AFG1L: variants seen among roughly 807,000 people sequenced by gnomAD.
AFG1L encodes the protein AFG1 like ATPase, also known as AFG1-like ATPase.
Under a neutral mutation model 62.2 loss-of-function variants are expected in AFG1L, and 53 were observed. That is an observed-to-expected ratio of 0.85 (90% CI 0.68 to 1.07). The LOEUF (loss-of-function observed/expected upper bound fraction) is 1.07. Among genes scored for constraint, AFG1L ranks in the 50% least tolerant of loss-of-function variants. AFG1L has a pLI of 0.00. For missense variants in AFG1L, 555 were observed against 590.5 expected (o/e 0.94, Z 0.62); for synonymous variants, 228 against 210.3 (o/e 1.08, Z -0.73).
chr6:108,319,872 C>T, intron 1 of AFG1L: 1 of 334,970 alleles, frequency 3.0e-6, no homozygotes, highest in South Asian at 2.5e-5. Context: ...TTGTGTTAAC[C>T]CTTTTCTGCA....
At chr6:108,334,162 A>G (rs1582391542) in intron 2 of AFG1L, among the ~76,000 whole-genome samples, 1 of 152,018 alleles carries the variant, frequency 6.6e-6, no homozygotes, top group African/African-American at 2.4e-5. Flanking sequence ...ATGCGCCACC[A>G]CGCCTGGCTA....
At chr6:108,501,263 G>A (rs1383890810) in intron 10 of AFG1L, among the ~76,000 whole-genome samples, 1 of 152,208 alleles carries the variant, frequency 6.6e-6, no homozygotes, top group Non-Finnish European at 1.5e-5. Flanking sequence ...AAAGTGCTGG[G>A]ATTACAGGCG....
intron 8 of AFG1L, among the ~76,000 whole-genome samples, chr6:108,452,582 G>T (rs1772099373): frequency 6.6e-6 from 1 of 152,164 alleles, no homozygotes; most frequent in Non-Finnish European, 1.5e-5. Flanking sequence ...GGCAGGCATT[G>T]GTCCTGGGAT....
At chr6:108,398,308 T>G (rs1781405803) in intron 6 of AFG1L, among the ~76,000 whole-genome samples, 1 of 152,212 alleles carries the variant, frequency 6.6e-6, no homozygotes. Flanking sequence ...TTTATTAGAT[T>G]TTTTCCCTAT....
intron 2 of AFG1L, among the ~76,000 whole-genome samples, chr6:108,338,958 C>T (rs1043093854): frequency 3.9e-5 from 6 of 152,076 alleles, no homozygotes; most frequent in African/African-American, 1.2e-4. Context: ...TCTCAGCTCG[C>T]CTGTCCCCCT....
chr6:108,384,715 G>T (rs571096517), intron 6 of AFG1L, among the ~76,000 whole-genome samples: 1 of 152,152 alleles, frequency 6.6e-6, no homozygotes, highest in Admixed American at 6.5e-5. Flanking sequence ...AATATGTTCA[G>T]AATGAGTGAA....
At chr6:108,425,841 A>C (rs959317150) in intron 7 of AFG1L, among the ~76,000 whole-genome samples, 1 of 152,134 alleles carries the variant, frequency 6.6e-6, no homozygotes, top group Non-Finnish European at 1.5e-5. Flanking sequence ...TGGTAAGTTA[A>C]ATATAGTGAT....
rs147614070 is a variant in AFG1L at position 108,417,235 on chromosome 6, A to AACACACAC, written c.807+15199_807+15206dup. On this transcript the variant is annotated intron_variant, in intron 7 of 12. Coordinates refer to ENST00000368977, the MANE Select transcript of AFG1L (RefSeq NM_145315.5). ...GGCGACAGAGCAAGACATTGTCTTA[A>AACACACAC]ACACACACACACACACACACACACA... 4.3e-3 allele frequency among the ~76,000 whole-genome samples: 572 copies of AACACACAC among 133,488 alleles called. 2 individuals are homozygous for AACACACAC. Among genetic ancestry groups the AACACACAC allele is most frequent in the Middle Eastern group, 7.4e-3 (2 of 270 alleles). The allele number at this position is 133,488 out of a possible 152,430, so 87.6% of individuals were successfully genotyped here.
intron 3 of AFG1L, 79 bp from the exon 4 acceptor site, chr6:108,355,575 C>A: frequency 1.4e-6 from 1 of 691,744 alleles, no homozygotes; most frequent in Non-Finnish European, 2.3e-6. Context: ...GTTTCATTAT[C>A]TCAAAGCTAA....
chr6:108,362,385 G>C (rs750958452), intron 5 of AFG1L, among the ~76,000 whole-genome samples: 3 of 151,766 alleles, frequency 2.0e-5, no homozygotes, highest in Non-Finnish European at 4.4e-5. Context: ...TATTATATAT[G>C]TTCTATAATA....
At chr6:108,501,744 C>T (rs1360458283) in intron 10 of AFG1L, among the ~76,000 whole-genome samples, 1 of 152,136 alleles carries the variant, frequency 6.6e-6, no homozygotes, top group Non-Finnish European at 1.5e-5. Context: ...CACACAGCCA[C>T]ACTTAAATCT....
At chr6:108,295,532 G>GCCTGGGGACCCCTA (rs1776734713) in intron 1 of AFG1L, among the ~76,000 whole-genome samples, 1 of 152,088 alleles carries the variant, frequency 6.6e-6, no homozygotes, top group Non-Finnish European at 1.5e-5. Flanking sequence ...TGGGGTTGGG[G>GCCTGGGGACCCCTA]CCTGGGGACC....
intron 7 of AFG1L, among the ~76,000 whole-genome samples, chr6:108,434,598 G>A (rs925777638): frequency 1.3e-5 from 2 of 152,134 alleles, no homozygotes; most frequent in African/African-American, 4.8e-5. Flanking sequence ...TGTTTATGCA[G>A]TTTTCTTCCC....
In AFG1L at chr6:108,380,142, C is replaced by A. The variant is rs541550895; in HGVS notation, c.748+13810C>A. ...TTCCTGGGCATGTAACAGAGAGGGT[C>A]CCCCTGCACCAGGATCTCTGTTCAG... On this transcript the variant is annotated intron_variant, in intron 6 of 12. Coordinates refer to ENST00000368977, the MANE Select transcript of AFG1L (RefSeq NM_145315.5). Among the ~76,000 whole-genome samples the A allele has an allele frequency of 2.0e-5, 3 of 151,970 alleles. No homozygotes were observed. The East Asian group carries it at 5.8e-4, about 30-fold the overall frequency.
At chr6:108,306,687 T>C (rs1199646004) in intron 1 of AFG1L, among the ~76,000 whole-genome samples, 3 of 152,208 alleles carry the variant, frequency 2.0e-5, no homozygotes, top group African/African-American at 7.2e-5. Context: ...AAATGTCTTG[T>C]TAATGTCAGC....
chr6:108,410,381 A>G (rs1782044249), intron 7 of AFG1L, among the ~76,000 whole-genome samples: 2 of 152,180 alleles, frequency 1.3e-5, no homozygotes, highest in African/African-American at 4.8e-5. Context: ...GAATCTTACA[A>G]TCATATGGAA....
chr6:108,422,199 A>G (rs1770621658), intron 7 of AFG1L, among the ~76,000 whole-genome samples: 1 of 152,054 alleles, frequency 6.6e-6, no homozygotes, highest in Admixed American at 6.6e-5. Flanking sequence ...CAAGAGGCAT[A>G]GTTAAAACAT....
chr6:108,440,480 C>T (rs1250417353), intron 7 of AFG1L, among the ~76,000 whole-genome samples: 10 of 151,988 alleles, frequency 6.6e-5, no homozygotes, highest in Admixed American at 5.3e-4. Context: ...AAAAAGGATA[C>T]GTTTCTTAAA....
intron 10 of AFG1L, among the ~76,000 whole-genome samples, chr6:108,503,815 A>G (rs578260257): frequency 6.6e-6 from 1 of 152,320 alleles, no homozygotes; most frequent in Non-Finnish European, 1.5e-5. Context: ...TAGTGTAGCC[A>G]CCTTCATAAA....
Sources: gnomAD v4.1 joint callset for allele counts (sites outside exome capture counted in the v4.1 genomes callset) on GRCh38, gnomAD v4.1.1 for gene constraint, MANE v1.5 for transcripts, NCBI Gene and HGNC (gene_info 2026-07-23, HGNC 2026-07-21) for gene names.